The following AGBL4 variants were observed in gnomAD, a reference collection of about 807,000 sequenced individuals.
AGBL4 encodes the protein AGBL carboxypeptidase 4.
AGBL4 carries 58 observed loss-of-function variants against 66.4 expected under a neutral mutation model. That is an observed-to-expected ratio of 0.87 (90% confidence interval 0.71 to 1.09). The LOEUF is 1.09. AGBL4 is among the 50% of genes least tolerant of loss of function. The pLI, the probability that AGBL4 is intolerant of heterozygous loss-of-function variation, is 0.00. For synonymous variants in AGBL4, 234 were observed against 222.9 expected, an observed-to-expected ratio of 1.05 and a Z score of -0.44; for missense variants, 579 against 631.0, an observed-to-expected ratio of 0.92 and a Z score of 0.88.
At chr1:49,092,626 C>T (rs1645022421) in intron 4 of AGBL4, among the ~76,000 whole-genome samples, 2 of 152,088 alleles carry the variant, frequency 1.3e-5, no homozygotes, top group Admixed American at 6.6e-5. Flanking sequence ...CAATTTTGTT[C>T]TTGTTTCTCC....
At chr1:49,245,295 CAA>C (rs1491006787) in intron 4 of AGBL4, among the ~76,000 whole-genome samples, 2 of 131,454 alleles carry the variant, frequency 1.5e-5, no homozygotes, top group Admixed American at 7.7e-5. Context: ...CACACACACA[CAA>C]AACACAAAAA....
chr1:49,313,577 T>A (rs1644980929), intron 3 of AGBL4, among the ~76,000 whole-genome samples: 1 of 152,224 alleles, frequency 6.6e-6, no homozygotes, highest in African/African-American at 2.4e-5. Flanking sequence ...CTAACTGGCA[T>A]GAGATAGTAC....
intron 3 of AGBL4, among the ~76,000 whole-genome samples, chr1:49,442,225 A>G (rs1646050769): frequency 6.6e-6 from 1 of 152,198 alleles, no homozygotes. Context: ...ATCTTACCTC[A>G]AAAGCTGCCT....
At chr1:48,540,794 C>T (rs1569686425) in intron 11 of AGBL4, among the ~76,000 whole-genome samples, 1 of 152,206 alleles carries the variant, frequency 6.6e-6, no homozygotes. Context: ...CACTTCTTTC[C>T]ACCCCCCTAG....
chr1:49,948,297 A>AATATATATAAAT (rs1164339294), intron 1 of AGBL4, among the ~76,000 whole-genome samples: 2 of 109,990 alleles, frequency 1.8e-5, no homozygotes, highest in Admixed American at 1.2e-4. Flanking sequence ...AATATATAAA[A>AATATATATAAAT]ATATATATAA....
At chr1:48,863,854 A>G (rs752044942) in intron 6 of AGBL4, among the ~76,000 whole-genome samples, 4 of 152,138 alleles carry the variant, frequency 2.6e-5, no homozygotes, top group Admixed American at 6.5e-5. Flanking sequence ...TTTAGAAGTA[A>G]ATACAGGAGA....
At chr1:49,817,769 C>A (rs1645268014) in intron 2 of AGBL4, among the ~76,000 whole-genome samples, 1 of 152,174 alleles carries the variant, frequency 6.6e-6, no homozygotes, top group South Asian at 2.1e-4. Flanking sequence ...ATTTGTAATG[C>A]TGATCCAGCA....
At chr1:49,561,458 TC>T (rs1237342694) in intron 3 of AGBL4, among the ~76,000 whole-genome samples, 10 of 151,004 alleles carry the variant, frequency 6.6e-5, no homozygotes, top group Admixed American at 3.3e-4. Context: ...CCGTCCCCCC[TC>T]CCCCCAACCC....
chr1:49,893,670 C>G (rs562226512), intron 1 of AGBL4, among the ~76,000 whole-genome samples: 1 of 152,314 alleles, frequency 6.6e-6, no homozygotes, highest in South Asian at 2.1e-4. Flanking sequence ...GGGAAGGACT[C>G]TGTCTCATGG....
At chr1:49,298,074 C>G (rs998832331) in intron 3 of AGBL4, among the ~76,000 whole-genome samples, 11 of 152,204 alleles carry the variant, frequency 7.2e-5, no homozygotes, top group Admixed American at 6.5e-4. Context: ...CAGTAACACA[C>G]AGACCTGGCA....
At chr1:48,647,461 G>A (rs1645855462) in intron 8 of AGBL4, 1 of 267,774 alleles carries the variant, frequency 3.7e-6, no homozygotes, top group African/African-American at 2.2e-5. Context: ...AAAAGTAATT[G>A]TCATTAAATA....
chr1:49,503,480 A>G (rs1648382505), intron 3 of AGBL4, among the ~76,000 whole-genome samples: 1 of 152,054 alleles, frequency 6.6e-6, no homozygotes, highest in African/African-American at 2.4e-5. Flanking sequence ...GGACCCCACA[A>G]TGGTAGATCC....
At chr1:49,447,921 T>C (rs1646195034) in intron 3 of AGBL4, among the ~76,000 whole-genome samples, 3 of 152,144 alleles carry the variant, frequency 2.0e-5, no homozygotes, top group South Asian at 4.1e-4. Context: ...GAGGGCAAGA[T>C]GTCTCTAGCC....
chr1:49,105,078 A>G (rs780340464), intron 4 of AGBL4, among the ~76,000 whole-genome samples: 1 of 152,208 alleles, frequency 6.6e-6, no homozygotes, highest in Non-Finnish European at 1.5e-5. Flanking sequence ...CCAGACTCAC[A>G]GCAGACATTA....
intron 4 of AGBL4, among the ~76,000 whole-genome samples, chr1:49,244,029 A>G (rs957451749): frequency 4.0e-5 from 6 of 151,840 alleles, no homozygotes; most frequent in Non-Finnish European, 8.9e-5. Context: ...TCAAAATCTT[A>G]TCAAGAGCCC....
chr1:49,225,744 T>C (rs1191082547), intron 4 of AGBL4, among the ~76,000 whole-genome samples: 2 of 152,204 alleles, frequency 1.3e-5, no homozygotes, highest in Non-Finnish European at 2.9e-5. Flanking sequence ...TATAAGGTCA[T>C]CTCAGATATA....
At chr1:48,608,969 TC>T (rs1411274355) in intron 9 of AGBL4, among the ~76,000 whole-genome samples, 1 of 152,194 alleles carries the variant, frequency 6.6e-6, no homozygotes, top group African/African-American at 2.4e-5. Context: ...GGCGTTATGA[TC>T]CTCATTTTAT....
At chr1:49,106,371 C>G (rs1471363431) in intron 4 of AGBL4, among the ~76,000 whole-genome samples, 1 of 152,132 alleles carries the variant, frequency 6.6e-6, no homozygotes, top group Non-Finnish European at 1.5e-5. Flanking sequence ...GGACCCAGGG[C>G]CAACTTCTGA....
At chr1:48,987,163 C>A (rs975468488) in intron 5 of AGBL4, among the ~76,000 whole-genome samples, 1 of 151,516 alleles carries the variant, frequency 6.6e-6, no homozygotes, top group African/African-American at 2.4e-5. Flanking sequence ...AAAACAGAAA[C>A]AAAGACTAGA....
Sources: allele counts gnomAD v4.1 joint callset (sites outside exome capture counted in the v4.1 genomes callset), GRCh38; gene constraint gnomAD v4.1.1; transcripts MANE v1.5; gene names NCBI Gene and HGNC (gene_info 2026-07-23, HGNC 2026-07-21).